Variants in WDFY4 observed in about 807,000 individuals in gnomAD.
WDFY4 encodes the protein WDFY family member 4.
A neutral mutation model predicts 351.9 loss-of-function variants in WDFY4; 169 were observed. The ratio of observed to expected loss-of-function variants is 0.48; its 90% CI spans 0.42 to 0.55. The LOEUF (loss-of-function observed/expected upper bound fraction) is 0.55, where lower values mean the gene tolerates loss of function less well. WDFY4 is among the 20% of genes least tolerant of loss of function. The pLI is 0.00. For synonymous variants in WDFY4, 1,622 were observed against 1,574.6 expected, an observed-to-expected ratio of 1.03 and a Z score of -0.71; for missense variants, 3,803 against 3,935.6, an observed-to-expected ratio of 0.97 and a Z score of 0.90.
At chr10:48,861,357 TTAAC>T (rs1346367417) in intron 39 of WDFY4, among the ~76,000 whole-genome samples, 1 of 152,208 alleles carries the variant, frequency 6.6e-6, no homozygotes, top group African/African-American at 2.4e-5. Flanking sequence ...AGAGCTTCCT[TTAAC>T]TATTCTTATA....
At chr10:48,790,960 C>T in intron 23 of WDFY4, 43 bp downstream of exon 23, 1 of 1,544,292 alleles carries the variant, frequency 6.5e-7, no homozygotes, top group Non-Finnish European at 8.8e-7. Flanking sequence ...CCTGAAAGGG[C>T]TGTCATCCCT....
chr10:48,919,719 C>T (rs1414097480), intron 47 of WDFY4, among the ~76,000 whole-genome samples: 4 of 152,166 alleles, frequency 2.6e-5, no homozygotes, highest in Non-Finnish European at 5.9e-5. Flanking sequence ...ATGAAGTCTC[C>T]ACCCTCAAGA....
At chr10:48,777,583 G>A in intron 17 of WDFY4, 88 bp downstream of exon 17, 1 of 1,308,924 alleles carries the variant, frequency 7.6e-7, no homozygotes, top group Non-Finnish European at 1.1e-6. Flanking sequence ...TTTACTTGGT[G>A]TTTCAATAAA....
chr10:48,799,702 G>A (rs991664728), intron 24 of WDFY4, among the ~76,000 whole-genome samples: 2 of 152,038 alleles, frequency 1.3e-5, no homozygotes, highest in African/African-American at 2.4e-5. Context: ...GAACCCATAA[G>A]GGGGAGGTTG....
chr10:48,761,229 G>C (rs764631152), intron 13 of WDFY4, among the ~76,000 whole-genome samples: 2 of 152,176 alleles, frequency 1.3e-5, no homozygotes, highest in Non-Finnish European at 2.9e-5. Context: ...TCCCTGGTCA[G>C]GCGATGATGG....
At chr10:48,710,531 TA>T (rs1232014163) in intron 2 of WDFY4, among the ~76,000 whole-genome samples, 1 of 152,150 alleles carries the variant, frequency 6.6e-6, no homozygotes, top group Admixed American at 6.5e-5. Flanking sequence ...TCTCTTTAGT[TA>T]AAAAATATTA....
At chr10:48,959,189 T>C (rs1401650229) in intron 52 of WDFY4, among the ~76,000 whole-genome samples, 1 of 152,186 alleles carries the variant, frequency 6.6e-6, no homozygotes, top group Non-Finnish European at 1.5e-5. Flanking sequence ...CTCCTCATTC[T>C]ACTGTCAGGG....
chr10:48,917,415 C>G (rs1414219753), intron 47 of WDFY4, among the ~76,000 whole-genome samples: 1 of 152,108 alleles, frequency 6.6e-6, no homozygotes, highest in Non-Finnish European at 1.5e-5. Context: ...TCAGCGAACT[C>G]CAAACAAGAT....
At chr10:48,693,280 G>A (rs1284922012) in intron 1 of WDFY4, among the ~76,000 whole-genome samples, 1 of 152,140 alleles carries the variant, frequency 6.6e-6, no homozygotes, top group African/African-American at 2.4e-5. Context: ...GGGAGGTGGA[G>A]GGGAGCCTGG....
chr10:48,694,919 A>G (rs997991366), intron 1 of WDFY4, among the ~76,000 whole-genome samples: 3 of 151,288 alleles, frequency 2.0e-5, no homozygotes, highest in Admixed American at 2.0e-4. Flanking sequence ...AGCCACCACC[A>G]CCCTGCCCAA....
At chr10:48,685,292 G>A (rs750508194) in intron 1 of WDFY4, among the ~76,000 whole-genome samples, 10 of 152,188 alleles carry the variant, frequency 6.6e-5, no homozygotes, top group South Asian at 4.1e-4. Flanking sequence ...AGCACTCCTC[G>A]ACCTCTGACG....
rs1232530788 is a variant in WDFY4 at position 48,817,360 on chromosome 10, A to G, written c.5456A>G (p.Glu1819Gly). The G allele has an allele frequency of 6.4e-7, 1 of 1,551,702 alleles. No homozygotes were observed. The highest frequency in any genetic ancestry group is 2.4e-5 in the East Asian group (1 of 40,912). Residue 1819 changes from glutamate (E) to glycine (G), a missense_variant, in exon 32 of 62, where the codon GAG (glutamate) becomes GGG (glycine). Transcript: ENST00000325239. ...YPQDPAWRAP[E>G]FLQTLAIAAF... ...CAGGACCCAGCGTGGCGAGCCCCGG[A>G]GTTCCTCCAGACCTTGGCCATAGCC...
intron 19 of WDFY4, among the ~76,000 whole-genome samples, chr10:48,782,671 T>C (rs1343089840): frequency 6.6e-6 from 1 of 152,270 alleles, no homozygotes; most frequent in Non-Finnish European, 1.5e-5. Context: ...TGCAAACATC[T>C]GTTGGACAAG....
chr10:48,766,407 A>G (rs576926978), intron 13 of WDFY4, among the ~76,000 whole-genome samples: 1 of 152,302 alleles, frequency 6.6e-6, no homozygotes, highest in South Asian at 2.1e-4. Flanking sequence ...CTTAGACAAC[A>G]GCAAACTCCA....
At chr10:48,885,053 G>T (rs746784320) in intron 43 of WDFY4, among the ~76,000 whole-genome samples, 1 of 152,188 alleles carries the variant, frequency 6.6e-6, no homozygotes, top group African/African-American at 2.4e-5. Context: ...GCAATATGCT[G>T]ACACCAGATG....
At chr10:48,913,826 G>A in intron 47 of WDFY4, 1 of 1,614,126 alleles carries the variant, frequency 6.2e-7, no homozygotes, top group Non-Finnish European at 8.5e-7. Flanking sequence ...GCAGCCCGTT[G>A]CTGGTCAGCC....
At chr10:48,933,669 T>C (rs1402342682) in intron 47 of WDFY4, among the ~76,000 whole-genome samples, 3 of 152,192 alleles carry the variant, frequency 2.0e-5, no homozygotes, top group Non-Finnish European at 4.4e-5. Flanking sequence ...TGAGTTCCAT[T>C]ATATGATACT....
At chr10:48,857,429 G>A (rs1415531244) in intron 39 of WDFY4, among the ~76,000 whole-genome samples, 1 of 151,562 alleles carries the variant, frequency 6.6e-6, no homozygotes, top group Non-Finnish European at 1.5e-5. Flanking sequence ...TTGTGCCAAG[G>A]CATTAGTTTT....
At position 48,743,548 on chromosome 10, in the gene WDFY4, G is replaced by T; in HGVS notation, c.2459G>T (p.Arg820Met). 6.5e-7 allele frequency: 1 copy of T among 1,529,818 alleles called. No homozygotes were observed. 94.8% of individuals were successfully genotyped at this position (1,529,818 alleles called of 1,614,324 possible). A position where few individuals can be genotyped will look rare whatever the true frequency, so the allele number is the denominator to read the frequency against. Residue 820 changes from arginine to methionine, a missense_variant and splice_region_variant, in exon 12 of 62, where the codon AGG becomes ATG. Coordinates refer to ENST00000325239, the MANE Select transcript of WDFY4 (RefSeq NM_001394531.1). ...AAGCAGTGGCCAGACCTGGAGGAGA[G>T]GTAGCTTCTTCTGCCAGTGTGTCAT... ...NFKQWPDLEE[R>M]MDEGDAAIMH... is the part of the protein sequence containing the mutation.
Sources: gnomAD v4.1 joint callset for allele counts (sites outside exome capture counted in the v4.1 genomes callset) on GRCh38, gnomAD v4.1.1 for gene constraint, MANE v1.5 for transcripts, NCBI Gene and HGNC (gene_info 2026-07-23, HGNC 2026-07-21) for gene names.